The following GASK1A variants were observed in gnomAD, a reference collection of about 807,000 sequenced individuals.
The protein encoded by GASK1A is Golgi-associated kinase 1A.
GASK1A carries 40 observed loss-of-function variants against 41.2 expected under a neutral mutation model. The ratio of observed to expected loss-of-function variants is 0.97; its 90% CI spans 0.75 to 1.27. The LOEUF (loss-of-function observed/expected upper bound fraction) is 1.27, where lower values mean the gene tolerates loss of function less well. GASK1A is among the 50% of genes most tolerant of loss of function. The pLI, the probability that GASK1A is intolerant of heterozygous loss-of-function variation, is 0.00. For missense variants in GASK1A, 678 were observed against 745.1 expected (o/e 0.91, Z 1.05); for synonymous variants, 316 against 307.1 (o/e 1.03, Z -0.30).
At chr3:43,039,045 T>C (rs1207952205) in intron 2 of GASK1A, among the ~76,000 whole-genome samples, 2 of 151,848 alleles carry the variant, frequency 1.3e-5, no homozygotes, top group Non-Finnish European at 2.9e-5. Context: ...TGACTTTTTT[T>C]TTTTTTTGGT....
Position 43,043,918 on chromosome 3 carries a change from G to GA in GASK1A, c.1291-9597dup, listed in dbSNP as rs1183909323. On this transcript the variant is annotated intron_variant, in intron 2 of 4. Transcript: ENST00000430121. ...GTTTAAACCTAATTTCTCTTCTGTAGAAAAAACCAACCAGACAGTGTGGCA... is the reference window on the plus strand; with the variant it reads ...GTTTAAACCTAATTTCTCTTCTGTAGAAAAAAACCAACCAGACAGTGTGGCA... 3.9e-5 allele frequency among the ~76,000 whole-genome samples: 6 copies of GA among 152,260 alleles called. No homozygotes were observed. The South Asian group carries it at 1.0e-3, about 26-fold the overall frequency.
intron 1 of GASK1A, among the ~76,000 whole-genome samples, chr3:42,991,921 G>T (rs934571956): frequency 6.6e-6 from 1 of 152,124 alleles, no homozygotes; most frequent in Non-Finnish European, 1.5e-5. Flanking sequence ...CCAGCCTCCC[G>T]GCAAGCCTGG....
chr3:43,056,639 C>T lies in GASK1A; in HGVS notation c.*253C>T, dbSNP rs1167787323. The T allele has an allele frequency of 2.5e-6, 1 of 392,914 alleles. No homozygotes were observed. Among genetic ancestry groups the T allele is most frequent in the East Asian group, 4.1e-5 (1 of 24,206 alleles). The allele number at this position is 392,914 out of a possible 1,614,324, so 24.3% of individuals were successfully genotyped here. A position where few individuals can be genotyped will look rare whatever the true frequency, so the allele number is the denominator to read the frequency against. On this transcript the variant is annotated 3_prime_UTR_variant, in exon 5 of 5. Coordinates refer to ENST00000430121, the MANE Select transcript of GASK1A (RefSeq NM_001129908.3). ...ATTCGAAAATGTTCTGTGAGCTGCT[C>T]AAGAAACTGTAAAAATGTGTGATGC...
At chr3:43,053,715 TAAC>T (rs2125693082) in intron 3 of GASK1A, 72 bp downstream of exon 3, 1 of 1,517,162 alleles carries the variant, frequency 6.6e-7, no homozygotes, top group African/African-American at 1.4e-5. Flanking sequence ...AAGATGCTGT[TAAC>T]AAGTTTCAGA....
chr3:43,020,726 T>G (rs558698209), intron 1 of GASK1A, among the ~76,000 whole-genome samples: 1 of 152,344 alleles, frequency 6.6e-6, no homozygotes, highest in African/African-American at 2.4e-5. Context: ...GGCTCCAGGC[T>G]GGAGGTTGAG....
At position 42,988,711 on chromosome 3, in the gene GASK1A, G is replaced by A. The variant is rs1389966407; in HGVS notation, c.3+9066G>A. Among the ~76,000 whole-genome samples, 7 of 152,230 alleles carry A rather than the reference G, an allele frequency of 4.6e-5. No homozygotes were observed. In the South Asian group the frequency reaches 6.2e-4, roughly 13 times the overall value. ...GGCACACTCTTCTGAGCTGGGTTTC[G>A]TCAGTGTTGTTGCCCTTTGGCAGAG... On this transcript the variant is annotated intron_variant, in intron 1 of 4. Transcript: ENST00000430121.
rs190470603 is a variant in GASK1A at position 42,999,615 on chromosome 3, A to C, written c.3+19970A>C. Among the ~76,000 whole-genome samples, 52 of 152,326 alleles carry C rather than the reference A, an allele frequency of 3.4e-4. 1 individual carries two copies. The highest frequency in any genetic ancestry group is 5.9e-5 in the Non-Finnish European group (4 of 68,032). On this transcript the variant is annotated intron_variant, in intron 1 of 4. Transcript: ENST00000430121. Reference sequence around the variant, plus strand: ...CCTACAGTAGAAAGGCATCTTAAAGAGGTCATGCCGCCAATCTCTGCAGCA... The same window carrying C: ...CCTACAGTAGAAAGGCATCTTAAAGCGGTCATGCCGCCAATCTCTGCAGCA...
At chr3:43,052,625 T>C (rs2089696773) in intron 2 of GASK1A, among the ~76,000 whole-genome samples, 1 of 152,124 alleles carries the variant, frequency 6.6e-6, no homozygotes, top group African/African-American at 2.4e-5. Flanking sequence ...ATCCACTTCC[T>C]AGCATCTCCC....
chr3:43,001,947 G>T (rs1253295994), intron 1 of GASK1A, among the ~76,000 whole-genome samples: 1 of 152,142 alleles, frequency 6.6e-6, no homozygotes, highest in Non-Finnish European at 1.5e-5. Flanking sequence ...CTCAAGGCTT[G>T]CTGGGCACCC....
chr3:42,996,323 A>G (rs2089369187), intron 1 of GASK1A, among the ~76,000 whole-genome samples: 1 of 152,192 alleles, frequency 6.6e-6, no homozygotes, highest in South Asian at 2.1e-4. Context: ...CTTTATCTAC[A>G]ACACCTCATG....
intron 1 of GASK1A, among the ~76,000 whole-genome samples, chr3:43,005,925 G>A (rs1246639343): frequency 1.3e-5 from 2 of 152,188 alleles, no homozygotes; most frequent in Non-Finnish European, 2.9e-5. Context: ...ATGGCAATGG[G>A]ATTTGGTACT....
intron 2 of GASK1A, among the ~76,000 whole-genome samples, chr3:43,040,716 T>C (rs937564886): frequency 2.0e-5 from 3 of 151,770 alleles, no homozygotes; most frequent in African/African-American, 7.2e-5. Flanking sequence ...GGATCTTTTT[T>C]ATTTTATTTT....
chr3:43,032,628 T>A lies in GASK1A; in HGVS notation c.365T>A (p.Ile122Asn), dbSNP rs1268692644. ...CATCCAGGGAGGGTGAGGAGGGACA[T>A]TACTTTGTCAGGACATCCAAGACTC... Reference protein sequence around the residue: ...LRHPGRVRRDITLSGHPRLST... With the variant: ...LRHPGRVRRDNTLSGHPRLST... Residue 122 changes from isoleucine to asparagine, a missense_variant, in exon 2 of 5, where the codon ATT becomes AAT. Ile to Asn is a moderately radical substitution (Grantham distance 149). Coordinates refer to ENST00000430121, the MANE Select transcript of GASK1A (RefSeq NM_001129908.3). 1.9e-6 allele frequency: 3 copies of A among 1,551,632 alleles called. No individual in the cohort carries two copies. The highest frequency in any genetic ancestry group is 2.6e-6 in the Non-Finnish European group (3 of 1,146,952).
intron 2 of GASK1A, among the ~76,000 whole-genome samples, chr3:43,042,540 G>T (rs186168912): frequency 2.9e-4 from 44 of 152,158 alleles, no homozygotes; most frequent in Middle Eastern, 3.4e-3. Context: ...TAATTTTTTC[G>T]AATGCCTTTT....
At chr3:42,999,564 T>G (rs1575437315) in intron 1 of GASK1A, among the ~76,000 whole-genome samples, 1 of 152,252 alleles carries the variant, frequency 6.6e-6, no homozygotes. Context: ...CCTGGCCTTC[T>G]TGGCCCCCCT....
At chr3:42,986,216 A>C (rs143469749) in intron 1 of GASK1A, among the ~76,000 whole-genome samples, 77 of 152,346 alleles carry the variant, frequency 5.1e-4, no homozygotes, top group African/African-American at 1.8e-3. Flanking sequence ...GGGAGAAACC[A>C]ATCCTACTGG....
At chr3:43,006,072 T>C (rs913625375) in intron 1 of GASK1A, among the ~76,000 whole-genome samples, 1 of 152,184 alleles carries the variant, frequency 6.6e-6, no homozygotes, top group African/African-American at 2.4e-5. Context: ...GTAATCATCT[T>C]TTTTGTTTCC....
chr3:42,987,009 T>G (rs2089315301), intron 1 of GASK1A, among the ~76,000 whole-genome samples: 1 of 152,220 alleles, frequency 6.6e-6, no homozygotes, highest in Non-Finnish European at 1.5e-5. Context: ...TAGCTTTTGG[T>G]GTTTCTTTTC....
rs191029148 is a variant in GASK1A, at chr3:43,051,388, G to T, written c.1291-2133G>T. On this transcript the variant is annotated intron_variant, in intron 2 of 4. Coordinates refer to ENST00000430121, the MANE Select transcript of GASK1A (RefSeq NM_001129908.3). ...CTTTGCCAAAGGACTCTGTGTGTGT[G>T]TTGAGGCATCTCCAACACGTATGTA... Among the ~76,000 whole-genome samples, 479 of 152,312 alleles carry T rather than the reference G, an allele frequency of 3.1e-3. 4 individuals are homozygous for T. The highest frequency in any genetic ancestry group is 0.011 in the South Asian group (55 of 4,824).
Sources: gnomAD v4.1 joint callset for allele counts (sites outside exome capture counted in the v4.1 genomes callset) on GRCh38, gnomAD v4.1.1 for gene constraint, MANE v1.5 for transcripts, NCBI Gene and HGNC (gene_info 2026-07-23, HGNC 2026-07-21) for gene names.